The following APOL2 variants were observed in gnomAD, a reference collection of about 807,000 sequenced individuals.
APOL2 encodes the protein apolipoprotein L2.
APOL2 carries 8 observed loss-of-function variants against 7.1 expected under a neutral mutation model. The ratio of observed to expected loss-of-function variants is 1.12; its 90% CI spans 0.66 to 2.03. The LOEUF is 2.03. Among genes scored for constraint, APOL2 ranks in the 30% most tolerant of loss-of-function variants. APOL2 has a pLI of 0.00. For synonymous variants in APOL2, 177 were observed against 159.9 expected (o/e 1.11, Z -0.81); for missense variants, 471 against 415.1 (o/e 1.13, Z -1.17).
intron 1 of APOL2, among the ~76,000 whole-genome samples, chr22:36,234,650 C>T (rs5750242): frequency 1.3e-5 from 2 of 152,302 alleles, no homozygotes; most frequent in South Asian, 4.1e-4. Flanking sequence ...ACCTCCCCTC[C>T]TGAGATCAAA....
rs1000609678 is a variant in APOL2 at position 36,227,887 on chromosome 22, T to C, written c.531A>G (p.Ala177=). 6.2e-7 allele frequency: 1 copy of C among 1,614,114 alleles called. No homozygotes were observed. The highest frequency in any genetic ancestry group is 1.3e-5 in the African/African-American group (1 of 74,942). Residue 177 remains alanine (A), a synonymous_variant, in exon 5 of 5, where the codon GCA becomes GCG. Transcript: ENST00000358502. Reference sequence around the variant, plus strand: ...GGTCCAAGTTGCGGGCTTGGGCTCGTGCCCGCAATTTGTTTACTAGTTCTA... The same window carrying C: ...GGTCCAAGTTGCGGGCTTGGGCTCGCGCCCGCAATTTGTTTACTAGTTCTA... ...SVVELVNKLR[A]RAQARNLDQS...
chr22:36,230,946 C>T (rs1273761046), intron 4 of APOL2, among the ~76,000 whole-genome samples: 2 of 152,222 alleles, frequency 1.3e-5, no homozygotes, highest in African/African-American at 2.4e-5. Context: ...GGTCTCTTTC[C>T]ACCAAGCTTG....
At chr22:36,233,843 T>A (rs1015433585) in intron 1 of APOL2, among the ~76,000 whole-genome samples, 1 of 152,224 alleles carries the variant, frequency 6.6e-6, no homozygotes, top group Non-Finnish European at 1.5e-5. Flanking sequence ...GAGTCATGTA[T>A]ACACGCTCAT....
At chr22:36,233,276 G>A in intron 2 of APOL2, 35 bp from the exon 3 acceptor site, 1 of 1,610,954 alleles carries the variant, frequency 6.2e-7, no homozygotes, top group East Asian at 2.2e-5. Flanking sequence ...GGGATCGAAG[G>A]TGAGCCTCCT....
chr22:36,239,159 G>A (rs995021017), intron 1 of APOL2: 35 of 1,225,330 alleles, frequency 2.9e-5, no homozygotes, highest in Middle Eastern at 3.2e-4. Flanking sequence ...TCAGCTGGCC[G>A]TGTCTGAGGG....
intron 3 of APOL2, among the ~76,000 whole-genome samples, chr22:36,232,017 A>G (rs2015242279): frequency 6.6e-6 from 1 of 152,224 alleles, no homozygotes; most frequent in African/African-American, 2.4e-5. Context: ...AAACCTGGAC[A>G]AGGCTAAGGT....
intron 3 of APOL2, among the ~76,000 whole-genome samples, chr22:36,232,734 C>T (rs2015265839): frequency 6.6e-6 from 1 of 152,054 alleles, no homozygotes; most frequent in African/African-American, 2.4e-5. Context: ...AGGGGACCGG[C>T]CTGTGCTGGA....
chr22:36,238,126 A>G (rs1486596574), intron 1 of APOL2, among the ~76,000 whole-genome samples: 2 of 152,110 alleles, frequency 1.3e-5, no homozygotes, highest in Non-Finnish European at 2.9e-5. Flanking sequence ...TGAACATTCA[A>G]TGGGGACACT....
At chr22:36,228,787 C>T (rs1275084950) in intron 4 of APOL2, among the ~76,000 whole-genome samples, 2 of 152,158 alleles carry the variant, frequency 1.3e-5, no homozygotes, top group Non-Finnish European at 2.9e-5. Flanking sequence ...GGTGATTTGG[C>T]CACGGGACAG....
At chr22:36,230,671 A>T (rs114291874) in intron 4 of APOL2, among the ~76,000 whole-genome samples, 1 of 151,652 alleles carries the variant, frequency 6.6e-6, no homozygotes, top group African/African-American at 2.4e-5. Context: ...CCTTCACCAC[A>T]CTCCTATGAC....
Position 36,228,190 on chromosome 22 carries a change from C to T in APOL2, c.228G>A (p.Gln76=). 6.2e-7 allele frequency: 1 copy of T among 1,614,232 alleles called. No individual in the cohort carries two copies. The highest frequency in any genetic ancestry group is 1.3e-5 in the African/African-American group (1 of 75,070). ...ACTCTTTCAAAAACCACTGCCTGTGCTGCTGGTCTTTATCGTGGCGGTTTT... is the reference window on the plus strand; with the variant it reads ...ACTCTTTCAAAAACCACTGCCTGTGTTGCTGGTCTTTATCGTGGCGGTTTT... ...KDKNRHDKDQ[Q]HRQWFLKEFP... Residue 76 remains glutamine, a synonymous_variant, in exon 5 of 5, where the codon CAG becomes CAA. Coordinates refer to ENST00000358502, the MANE Select transcript of APOL2 (RefSeq NM_030882.4).
At chr22:36,229,753 A>G (rs1486037497) in intron 4 of APOL2, among the ~76,000 whole-genome samples, 5 of 152,182 alleles carry the variant, frequency 3.3e-5, no homozygotes, top group African/African-American at 1.2e-4. Context: ...ATCTCTGAGT[A>G]CTTTGAATTC....
chr22:36,228,080 G>A lies in APOL2; in HGVS notation c.338C>T (p.Thr113Ile), dbSNP rs1482090049. 1.1e-5 allele frequency: 18 copies of A among 1,614,224 alleles called. No homozygotes were observed. Among genetic ancestry groups the A allele is most frequent in the Non-Finnish European group, 1.4e-5 (16 of 1,180,022 alleles). The part of the protein sequence containing the change: ...AEEVEQVHRG[T>I]TIANVVSNSV... ...GTTGGACACCACATTGGCAATGGTG[G>A]TGCCTCTGTGGACCTGCTCAACCTC... Residue 113 changes from threonine to isoleucine, a missense_variant, in exon 5 of 5, where the codon ACC (threonine) becomes ATC (isoleucine). By Grantham distance (89) the Thr-to-Ile change is moderately conservative. Transcript: ENST00000358502.
At chr22:36,234,625 G>C (rs1288813553) in intron 1 of APOL2, among the ~76,000 whole-genome samples, 1 of 152,216 alleles carries the variant, frequency 6.6e-6, no homozygotes, top group African/African-American at 2.4e-5. Flanking sequence ...TAAGAAGACA[G>C]AAGAGCATTT....
chr22:36,232,905 A>G (rs1214096932), intron 3 of APOL2, among the ~76,000 whole-genome samples: 1 of 150,648 alleles, frequency 6.6e-6, no homozygotes, highest in Non-Finnish European at 1.5e-5. Context: ...CACTTGAGTC[A>G]TCTGCTGGGT....
chr22:36,238,832 A>G (rs2015501463), intron 1 of APOL2, among the ~76,000 whole-genome samples: 1 of 152,182 alleles, frequency 6.6e-6, no homozygotes, highest in Non-Finnish European at 1.5e-5. Flanking sequence ...GTGAAGTCCT[A>G]TGATCTGCCT....
In APOL2 at chr22:36,231,228, C is replaced by G; in HGVS notation, c.137+112G>C. 2.1e-6 allele frequency: 3 copies of G among 1,414,354 alleles called. No individual in the cohort carries two copies. In the South Asian group the frequency reaches 4.2e-5, roughly 20 times the overall value. The allele number at this position is 1,414,354 out of a possible 1,614,324, so 87.6% of individuals were successfully genotyped here. On this transcript the variant is annotated intron_variant, in intron 4 of 4. Transcript: ENST00000358502. ...GAGTGCCGAGAAGGTCATCCTCAAG[C>G]CCAGCAGAGGGGGCTGCCTGGAGGA...
intron 1 of APOL2, chr22:36,236,958 A>C: frequency 7.4e-7 from 1 of 1,351,288 alleles, no homozygotes; most frequent in Non-Finnish European, 9.5e-7. Context: ...GTGACACCCT[A>C]GGCCAGGGGA....
chr22:36,233,028 C>T (rs2015279085), intron 3 of APOL2, 125 bp downstream of exon 3: 1 of 992,470 alleles, frequency 1.0e-6, no homozygotes, highest in African/African-American at 1.6e-5. Flanking sequence ...TCTTCTGCTG[C>T]TCGGGGCAGA....
Sources: gnomAD v4.1 joint callset for allele counts (sites outside exome capture counted in the v4.1 genomes callset) on GRCh38, gnomAD v4.1.1 for gene constraint, MANE v1.5 for transcripts, NCBI Gene and HGNC (gene_info 2026-07-23, HGNC 2026-07-21) for gene names.